PIWIL2: variants seen among roughly 807,000 people sequenced by gnomAD.
The protein encoded by PIWIL2 is piwi like RNA-mediated gene silencing 2, also known as piwi-like protein 2.
A neutral mutation model predicts 116.5 loss-of-function variants in PIWIL2; 81 were observed. That is an observed-to-expected ratio of 0.70 (90% CI 0.58 to 0.84). PIWIL2 has a LOEUF of 0.84. Ranked by LOEUF, PIWIL2 falls within the 40% of genes least tolerant of loss-of-function variation. The pLI is 0.00. For synonymous variants in PIWIL2, 489 were observed against 429.5 expected (o/e 1.14, Z -1.71); for missense variants, 1,272 against 1,212.3 (o/e 1.05, Z -0.73).
At chr8:22,346,942 G>A (rs1832240548) in intron 20 of PIWIL2, among the ~76,000 whole-genome samples, 1 of 151,932 alleles carries the variant, frequency 6.6e-6, no homozygotes, top group African/African-American at 2.4e-5. Flanking sequence ...GGGAGGACGA[G>A]GTAGGAGGAG....
Position 22,352,953 on chromosome 8 carries a change from T to C in PIWIL2, c.2404-6T>C. 2 of 1,607,838 alleles carry C rather than the reference T, an allele frequency of 1.2e-6. No individual in the cohort carries two copies. The highest frequency in any genetic ancestry group is 2.2e-5 in the East Asian group (1 of 44,764). ...GTGAGTCACCACATCCTCGCTGTCATTTCAGGTGAACCACTGTCTACCAGA... is the reference window on the plus strand; with the variant it reads ...GTGAGTCACCACATCCTCGCTGTCACTTCAGGTGAACCACTGTCTACCAGA... On this transcript the variant is annotated splice_region_variant and splice_polypyrimidine_tract_variant and intron_variant, in intron 20 of 22. Coordinates refer to ENST00000356766, the MANE Select transcript of PIWIL2 (RefSeq NM_018068.5).
At position 22,314,416 on chromosome 8, in the gene PIWIL2, C is replaced by T. The variant is rs943765826; in HGVS notation, c.2078C>T (p.Pro693Leu). The change falls in exon 17 of 23, where the codon CCA becomes CTA. Residue 693 changes from proline to leucine, a missense_variant. Physicochemically the swap from Pro to Leu is moderately conservative, Grantham distance 98. Coordinates refer to ENST00000356766, the MANE Select transcript of PIWIL2 (RefSeq NM_018068.5). Reference protein sequence around the residue: ...AIKKLCCVQSPVPSQVVNVRT... With the variant: ...AIKKLCCVQSLVPSQVVNVRT... ...AAGAAGCTGTGCTGTGTGCAGTCCC[C>T]AGTGCCCTCCCAGGTGAGTGGGTGT... is the stretch of plus-strand genomic sequence containing the variant. 4 of 1,567,090 alleles carry T rather than the reference C, an allele frequency of 2.6e-6. No individual in the cohort carries two copies. The highest frequency in any genetic ancestry group is 3.5e-6 in the Non-Finnish European group (4 of 1,153,426).
rs150275016 is a variant in PIWIL2 at position 22,328,150 on chromosome 8, C to A, written c.2403+9875C>A. On this transcript the variant is annotated intron_variant, in intron 20 of 22. Coordinates refer to ENST00000356766, the MANE Select transcript of PIWIL2 (RefSeq NM_018068.5). ...AGGTAAGGGTCCAGTTTTATTCTTT[C>A]GCATCTGGATATCTACTTGTCATAG... 2.1e-3 allele frequency among the ~76,000 whole-genome samples: 314 copies of A among 152,050 alleles called. 1 individual carries two copies. The highest frequency in any genetic ancestry group is 9.9e-3 in the South Asian group (48 of 4,826).
intron 1 of PIWIL2, among the ~76,000 whole-genome samples, chr8:22,277,031 ATAT>A (rs997270432): frequency 1.5e-5 from 2 of 136,636 alleles, no homozygotes; most frequent in African/African-American, 3.0e-5. Flanking sequence ...ATATATATAT[ATAT>A]TTTTTTTTTT....
At chr8:22,318,760 C>A (rs1291127920) in intron 20 of PIWIL2, among the ~76,000 whole-genome samples, 1 of 152,206 alleles carries the variant, frequency 6.6e-6, no homozygotes, top group Non-Finnish European at 1.5e-5. Context: ...CAGGCTTCAG[C>A]TTGTACAGAT....
chr8:22,335,427 TC>T (rs1831957997), intron 20 of PIWIL2, among the ~76,000 whole-genome samples: 8 of 152,116 alleles, frequency 5.3e-5, no homozygotes, highest in Non-Finnish European at 8.8e-5. Flanking sequence ...AGTGGTGTGA[TC>T]ATACATAGCT....
intron 10 of PIWIL2, among the ~76,000 whole-genome samples, chr8:22,298,442 A>G (rs1051299749): frequency 6.6e-5 from 10 of 152,226 alleles, no homozygotes; most frequent in African/African-American, 2.2e-4. Context: ...CCTAAGGCTA[A>G]TGACAAAGGC....
chr8:22,354,897 C>G (rs1042964526), intron 22 of PIWIL2, among the ~76,000 whole-genome samples: 2 of 152,064 alleles, frequency 1.3e-5, no homozygotes, highest in African/African-American at 4.8e-5. Context: ...TGGCAAAACC[C>G]TGTCTCTACT....
intron 14 of PIWIL2, 59 bp downstream of exon 14, chr8:22,308,132 T>C: frequency 7.3e-7 from 1 of 1,375,396 alleles, no homozygotes; most frequent in Non-Finnish European, 1.0e-6. Context: ...GCAATATTTA[T>C]GTGACTTTCC....
In PIWIL2 at chr8:22,353,142, G is replaced by C; in HGVS notation, c.2587G>C (p.Ala863Pro). ...GAAAATCAGTACTAATCTATATCTG[G>C]CTGCTCCTCAGAACTTTGTAACTCC... is the stretch of plus-strand genomic sequence containing the variant. Reference protein sequence around the residue: ...QKKISTNLYLAAPQNFVTPTP... With the variant: ...QKKISTNLYLPAPQNFVTPTP... Residue 863 changes from alanine (A) to proline (P), a missense_variant, in exon 21 of 23, where the codon GCT (alanine) becomes CCT (proline). Coordinates refer to ENST00000356766, the MANE Select transcript of PIWIL2 (RefSeq NM_018068.5). 6.2e-7 allele frequency: 1 copy of C among 1,613,836 alleles called. No individual in the cohort carries two copies. The highest frequency in any genetic ancestry group is 8.5e-7 in the Non-Finnish European group (1 of 1,179,714).
rs1014213835 is a variant in PIWIL2, at chr8:22,288,793, A to C, written c.986+127A>C. Reference sequence around the variant, plus strand: ...AGATGGGTTTGGAAGCATTTAATGAATAAATGGATGGTATTGAGGCTAACT... The same window carrying C: ...AGATGGGTTTGGAAGCATTTAATGACTAAATGGATGGTATTGAGGCTAACT... On this transcript the variant is annotated intron_variant, in intron 8 of 22. Coordinates refer to ENST00000356766, the MANE Select transcript of PIWIL2 (RefSeq NM_018068.5). 5 of 742,650 alleles carry C rather than the reference A, an allele frequency of 6.7e-6. No homozygotes were observed. In the African/African-American group the frequency reaches 8.7e-5, roughly 13 times the overall value. 46.0% of individuals were successfully genotyped at this position (742,650 alleles called of 1,614,324 possible).
intron 10 of PIWIL2, among the ~76,000 whole-genome samples, chr8:22,290,613 A>ATTTTT (rs34573190): frequency 9.6e-5 from 11 of 114,102 alleles, no homozygotes; most frequent in South Asian, 3.0e-4. Flanking sequence ...CCAATTTTTA[A>ATTTTT]TTTTTTTTTT....
intron 22 of PIWIL2, 87 bp downstream of exon 22, chr8:22,354,465 T>C (rs1402082667): frequency 2.7e-6 from 2 of 740,436 alleles, no homozygotes; most frequent in East Asian, 2.6e-5. Flanking sequence ...CCCCAAAATA[T>C]ATTTACCTCT....
intron 7 of PIWIL2, 78 bp from the exon 8 acceptor site, chr8:22,288,464 C>A: frequency 8.6e-7 from 1 of 1,168,252 alleles, no homozygotes; most frequent in Non-Finnish European, 1.2e-6. Flanking sequence ...CTTAAGAACA[C>A]AGTTGAATTA....
intron 13 of PIWIL2, among the ~76,000 whole-genome samples, chr8:22,307,653 T>C (rs1029664583): frequency 2.6e-5 from 4 of 151,838 alleles, no homozygotes. Flanking sequence ...CTGGCTAATT[T>C]TTAAAAGTTT....
At chr8:22,304,622 T>C (rs543048987) in intron 11 of PIWIL2, among the ~76,000 whole-genome samples, 162 bp from the exon 12 acceptor site, 1 of 152,340 alleles carries the variant, frequency 6.6e-6, no homozygotes, top group South Asian at 2.1e-4. Context: ...TTGAGCCTGC[T>C]TTTTCCTGTT....
intron 8 of PIWIL2, among the ~76,000 whole-genome samples, chr8:22,288,918 A>G (rs1026668143): frequency 1.3e-5 from 2 of 152,168 alleles, no homozygotes; most frequent in Non-Finnish European, 2.9e-5. Flanking sequence ...AGTTGTGTTC[A>G]GGAACTTTGA....
rs192692483 is a variant in PIWIL2 at position 22,320,556 on chromosome 8, T to C, written c.2403+2281T>C. On this transcript the variant is annotated intron_variant, in intron 20 of 22. Transcript: ENST00000356766. ...CCTCTCAAAGTGCTGAGATTATAGGTGTGAGCCACCATGTCTGGCCTGCTG... is the reference window on the plus strand; with the variant it reads ...CCTCTCAAAGTGCTGAGATTATAGGCGTGAGCCACCATGTCTGGCCTGCTG... 2.4e-4 allele frequency among the ~76,000 whole-genome samples: 36 copies of C among 148,956 alleles called. 1 individual carries two copies. The highest frequency in any genetic ancestry group is 3.6e-3 in the Middle Eastern group (1 of 274).
At chr8:22,349,428 T>TATATATATATATATATATATATATAA (rs1832305559) in intron 20 of PIWIL2, among the ~76,000 whole-genome samples, 1 of 146,124 alleles carries the variant, frequency 6.8e-6, no homozygotes, top group South Asian at 2.1e-4. Flanking sequence ...TGTATATATA[T>TATATATATATATATATATATATATAA]ATATATATAT....
Sources: allele counts gnomAD v4.1 joint callset (sites outside exome capture counted in the v4.1 genomes callset), GRCh38; gene constraint gnomAD v4.1.1; transcripts MANE v1.5; gene names NCBI Gene and HGNC (gene_info 2026-07-23, HGNC 2026-07-21).